ACTL8: variants seen among roughly 807,000 people sequenced by gnomAD.
ACTL8 encodes the protein actin-like protein 8.
In ACTL8, 3 loss-of-function variants were observed where a neutral mutation model predicts 9.3. The observed-to-expected ratio is 0.32, with a 90% confidence interval of 0.15 to 0.83. The LOEUF is 0.83. Among genes scored for constraint, ACTL8 ranks in the 40% least tolerant of loss-of-function variants. ACTL8 has a pLI of 0.57. For synonymous variants in ACTL8, 224 were observed against 205.9 expected (o/e 1.09, Z -0.75); for missense variants, 381 against 492.2 (o/e 0.77, Z 2.14).
At chr1:17,820,851 T>G (rs962490536) in intron 1 of ACTL8, among the ~76,000 whole-genome samples, 1 of 152,154 alleles carries the variant, frequency 6.6e-6, no homozygotes, top group Non-Finnish European at 1.5e-5. Context: ...TATGCTGAAC[T>G]TTTTAAGAAA....
chr1:17,805,087 C>G (rs1459905754), intron 1 of ACTL8, among the ~76,000 whole-genome samples: 2 of 152,144 alleles, frequency 1.3e-5, no homozygotes, highest in African/African-American at 4.8e-5. Context: ...CTGCGCACCT[C>G]ACTTCTCCAG....
At position 17,825,770 on chromosome 1, in the gene ACTL8, C is replaced by G; in HGVS notation, c.352C>G (p.Leu118Val). Residue 118 changes from leucine to valine, a missense_variant, in exon 3 of 3, where the codon CTG (leucine) becomes GTG (valine). Leu to Val is a conservative substitution (Grantham distance 32). This residue lies in a region of ACTL8 where 125 missense variants were observed against 180.7 expected (regional missense o/e 0.69). Transcript: ENST00000375406. ...AGTGAATTCTCCCTCGTTGCAGATC[C>G]TGTTTGAGTTGCTGCATGTCCCATC... ...PADRKKMLEILFELLHVPSVL... is the reference protein window; with the variant it reads ...PADRKKMLEIVFELLHVPSVL... 2 of 1,610,772 alleles carry G rather than the reference C, an allele frequency of 1.2e-6. No individual in the cohort carries two copies. Among genetic ancestry groups the G allele is most frequent in the Non-Finnish European group, 1.7e-6 (2 of 1,178,162 alleles).
At chr1:17,770,198 A>G (rs1052443501) in intron 1 of ACTL8, among the ~76,000 whole-genome samples, 1 of 152,214 alleles carries the variant, frequency 6.6e-6, no homozygotes, top group Non-Finnish European at 1.5e-5. Context: ...CCTCCTCCTG[A>G]CATCTATCTT....
chr1:17,764,581 C>CCG (rs1553119601), intron 1 of ACTL8, among the ~76,000 whole-genome samples: 4 of 152,048 alleles, frequency 2.6e-5, no homozygotes, highest in African/African-American at 4.8e-5. Context: ...TGGGCACCCC[C>CCG]CCACAGCATC....
intron 1 of ACTL8, among the ~76,000 whole-genome samples, chr1:17,816,200 C>CTTTTTTTTTTTTTTT (rs34383884): frequency 7.2e-6 from 1 of 139,620 alleles, no homozygotes; most frequent in African/African-American, 2.7e-5. Flanking sequence ...ATATTAATAG[C>CTTTTTTTTTTTTTTT]TTTTTTTTTT....
chr1:17,793,210 G>A (rs1466960993), intron 1 of ACTL8, among the ~76,000 whole-genome samples: 1 of 152,182 alleles, frequency 6.6e-6, no homozygotes, highest in Non-Finnish European at 1.5e-5. Context: ...GTGTCTCCAG[G>A]TTAGACTGCA....
At chr1:17,756,641 G>A (rs2065970930) in intron 1 of ACTL8, among the ~76,000 whole-genome samples, 1 of 152,124 alleles carries the variant, frequency 6.6e-6, no homozygotes, top group African/African-American at 2.4e-5. Context: ...ATACAGAATT[G>A]GTGTCAGGAA....
At chr1:17,805,539 C>G (rs1269674096) in intron 1 of ACTL8, among the ~76,000 whole-genome samples, 1 of 151,802 alleles carries the variant, frequency 6.6e-6, no homozygotes, top group Non-Finnish European at 1.5e-5. Flanking sequence ...CACCACCATG[C>G]CCAGCCAATT....
rs2066247437 is a variant in ACTL8, at chr1:17,792,522, T to G, written c.-24-30463T>G. Among the ~76,000 whole-genome samples, 2 of 152,182 alleles carry G rather than the reference T, an allele frequency of 1.3e-5. 1 individual carries two copies. Among genetic ancestry groups the G allele is most frequent in the South Asian group, 4.1e-4 (2 of 4,826 alleles). Reference sequence around the variant, plus strand: ...ATAGACCAGAGATTCGTGTACAACATTCATGTTCTGCTGTCTTCGGGCCTC... The same window carrying G: ...ATAGACCAGAGATTCGTGTACAACAGTCATGTTCTGCTGTCTTCGGGCCTC... On this transcript the variant is annotated intron_variant, in intron 1 of 2. Transcript: ENST00000375406.
chr1:17,775,311 C>T (rs1212731583), intron 1 of ACTL8, among the ~76,000 whole-genome samples: 3 of 152,158 alleles, frequency 2.0e-5, no homozygotes, highest in South Asian at 2.1e-4. Context: ...CCCATCCCTC[C>T]CCACTCAGCT....
At chr1:17,786,646 C>A (rs948686642) in intron 1 of ACTL8, among the ~76,000 whole-genome samples, 1 of 152,194 alleles carries the variant, frequency 6.6e-6, no homozygotes, top group South Asian at 2.1e-4. Flanking sequence ...GGGACATATA[C>A]ATGGACCTTC....
At chr1:17,792,005 A>G (rs924710616) in intron 1 of ACTL8, among the ~76,000 whole-genome samples, 3 of 152,056 alleles carry the variant, frequency 2.0e-5, no homozygotes, top group Admixed American at 1.3e-4. Context: ...GCCCCCCCTC[A>G]TCAACCCCAT....
At position 17,823,973 on chromosome 1, in the gene ACTL8, A is replaced by G. The variant is rs573253709; in HGVS notation, c.348+617A>G. 1.1e-4 allele frequency among the ~76,000 whole-genome samples: 17 copies of G among 152,326 alleles called. No individual in the cohort carries two copies. The East Asian group carries it at 2.9e-3, about 26-fold the overall frequency. ...ATGTTCTGGCCCTCAGAGAGCTTCC[A>G]TGAAGGGGTTAAGAAATAATTCCAG... On this transcript the variant is annotated intron_variant, in intron 2 of 2. Coordinates refer to ENST00000375406, the MANE Select transcript of ACTL8 (RefSeq NM_030812.3). The surrounding 1 kb of genome is among the most constrained non-coding windows in gnomAD (Gnocchi z 5.3).
intron 1 of ACTL8, among the ~76,000 whole-genome samples, chr1:17,764,558 C>T (rs984461723): frequency 4.7e-5 from 7 of 147,942 alleles, no homozygotes; most frequent in African/African-American, 1.7e-4. Flanking sequence ...GTGACTTCAG[C>T]AGCCTAAGCT....
chr1:17,814,500 C>A (rs12567180), intron 1 of ACTL8, among the ~76,000 whole-genome samples: 3 of 151,774 alleles, frequency 2.0e-5, no homozygotes, highest in Admixed American at 2.0e-4. Context: ...AATAACACGC[C>A]ATACCCGTTT....
In ACTL8 at chr1:17,811,870, C is replaced by CTT. The variant is rs200104295; in HGVS notation, c.-24-11101_-24-11100dup. 4.3e-3 allele frequency among the ~76,000 whole-genome samples: 607 copies of CTT among 139,570 alleles called. 3 individuals are homozygous for CTT. Among genetic ancestry groups the CTT allele is most frequent in the African/African-American group, 0.014 (540 of 38,114 alleles). The allele number at this position is 139,570 out of a possible 152,430, so 91.6% of individuals were successfully genotyped here. On this transcript the variant is annotated intron_variant, in intron 1 of 2. Coordinates refer to ENST00000375406, the MANE Select transcript of ACTL8 (RefSeq NM_030812.3). The stretch of plus-strand genomic sequence containing the variant: ...TTGTCTTGATGACTGGGTTTTCTGT[C>CTT]TTTTTTTTTTTTTTTGAGACAGGGT...
At chr1:17,802,054 AAG>A (rs2066326049) in intron 1 of ACTL8, among the ~76,000 whole-genome samples, 1 of 152,238 alleles carries the variant, frequency 6.6e-6, no homozygotes, top group South Asian at 2.1e-4. Context: ...GAGGAGCATG[AAG>A]AGAAACAAGA....
chr1:17,818,305 G>A (rs2066441078), intron 1 of ACTL8, among the ~76,000 whole-genome samples: 2 of 152,072 alleles, frequency 1.3e-5, no homozygotes, highest in African/African-American at 4.8e-5. Context: ...CCTCTTCCTG[G>A]CCACCACTTT....
At chr1:17,776,463 A>G (rs2066118360) in intron 1 of ACTL8, among the ~76,000 whole-genome samples, 1 of 152,092 alleles carries the variant, frequency 6.6e-6, no homozygotes, top group South Asian at 2.1e-4. Context: ...AGCTAGTTCC[A>G]GGAGTTGCGG....
Sources: gnomAD v4.1 joint callset for allele counts (sites outside exome capture counted in the v4.1 genomes callset) on GRCh38, gnomAD v4.1.1 for gene constraint, gnomAD v4.1.1 regional missense constraint, Gnocchi (gnomAD v3.1) non-coding constraint, MANE v1.5 for transcripts, NCBI Gene and HGNC (gene_info 2026-07-23, HGNC 2026-07-21) for gene names.